Variants in TRABD2A observed in about 807,000 individuals in gnomAD.
TRABD2A encodes the protein metalloprotease TIKI1.
In TRABD2A, 43 loss-of-function variants were observed where a neutral mutation model predicts 45.6. The observed-to-expected ratio is 0.94, with a 90% confidence interval of 0.74 to 1.22. The LOEUF is 1.22. TRABD2A is among the 50% of genes most tolerant of loss of function. TRABD2A has a pLI of 0.00. For missense variants in TRABD2A, 642 were observed against 652.4 expected (o/e 0.98, Z 0.17); for synonymous variants, 269 against 265.0 (o/e 1.02, Z -0.15).
chr2:84,850,650 A>G (rs10514645), intron 2 of TRABD2A: 26,130 of 152,108 alleles, frequency 0.17, 2,381 homozygotes, highest in Non-Finnish European at 0.2. Flanking sequence ...GGCGCCATGA[A>G]CGGTGAATCT....
intron 1 of TRABD2A, chr2:84,879,501 C>G (rs755847528): frequency 3.6e-5 from 26 of 727,312 alleles, no homozygotes; most frequent in Admixed American, 2.5e-4. Flanking sequence ...TTTTTTGTAA[C>G]GTAAAGGAGT....
intron 2 of TRABD2A, among the ~76,000 whole-genome samples, chr2:84,863,231 A>C (rs891602338): frequency 1.6e-4 from 23 of 141,334 alleles, no homozygotes; most frequent in African/African-American, 5.9e-4. Flanking sequence ...GTTAGACTTC[A>C]TGTGAATCTT....
At chr2:84,857,756 C>A (rs1344402339) in intron 2 of TRABD2A, among the ~76,000 whole-genome samples, 4 of 152,186 alleles carry the variant, frequency 2.6e-5, no homozygotes, top group Non-Finnish European at 5.9e-5. Flanking sequence ...GGGATCCCAG[C>A]AAAGAGGCAA....
At chr2:84,828,306 G>A (rs973784426) in intron 5 of TRABD2A, among the ~76,000 whole-genome samples, 6 of 152,144 alleles carry the variant, frequency 3.9e-5, no homozygotes, top group Non-Finnish European at 7.4e-5. Context: ...GGAGCTGGCA[G>A]GGCCTTAAGT....
chr2:84,859,120 C>A (rs1682410398), intron 2 of TRABD2A, among the ~76,000 whole-genome samples: 1 of 152,174 alleles, frequency 6.6e-6, no homozygotes, highest in Non-Finnish European at 1.5e-5. Context: ...AGAAGTTACT[C>A]CCCAGGAAAA....
intron 2 of TRABD2A, among the ~76,000 whole-genome samples, chr2:84,865,007 T>C (rs1464763883): frequency 6.6e-6 from 1 of 152,200 alleles, no homozygotes; most frequent in Non-Finnish European, 1.5e-5. Flanking sequence ...ACAGGGCTCC[T>C]GGGGAGTGGG....
chr2:84,838,981 C>T, intron 4 of TRABD2A, 168 bp downstream of exon 4: 1 of 690,972 alleles, frequency 1.4e-6, no homozygotes, highest in East Asian at 2.7e-5. Context: ...CTGGATGCTC[C>T]ATCCCCAGCT....
intron 6 of TRABD2A, 40 bp downstream of exon 6, chr2:84,823,913 T>C: frequency 3.1e-6 from 5 of 1,609,202 alleles, no homozygotes; most frequent in Non-Finnish European, 4.2e-6. Flanking sequence ...CTCACTAGGG[T>C]AAAGGTGGAT....
At chr2:84,854,591 T>G (rs1399532966) in intron 2 of TRABD2A, among the ~76,000 whole-genome samples, 2 of 152,136 alleles carry the variant, frequency 1.3e-5, no homozygotes, top group Admixed American at 1.3e-4. Context: ...TACTCTCCAC[T>G]GAGAAACTGC....
chr2:84,858,371 T>G (rs1289612529), intron 2 of TRABD2A, among the ~76,000 whole-genome samples: 1 of 152,164 alleles, frequency 6.6e-6, no homozygotes, highest in Non-Finnish European at 1.5e-5. Context: ...TGCCTGCGCT[T>G]TTGGCCCATT....
intron 1 of TRABD2A, among the ~76,000 whole-genome samples, chr2:84,875,185 C>A (rs1439560674): frequency 1.3e-5 from 2 of 152,172 alleles, no homozygotes; most frequent in Non-Finnish European, 2.9e-5. Context: ...TACTGTGGCA[C>A]AGGGTTGCAG....
intron 2 of TRABD2A, among the ~76,000 whole-genome samples, chr2:84,842,982 G>A (rs1484854103): frequency 6.6e-6 from 1 of 151,444 alleles, no homozygotes; most frequent in Non-Finnish European, 1.5e-5. Context: ...CAGTGTCCAG[G>A]AGAATTCATT....
intron 2 of TRABD2A, 137 bp downstream of exon 2, chr2:84,870,088 A>T: frequency 1.1e-6 from 1 of 883,796 alleles, no homozygotes; most frequent in Non-Finnish European, 1.7e-6. Context: ...CTTTTTTTTT[A>T]ACCCCCGGAA....
chr2:84,831,034 G>A (rs555020049), intron 5 of TRABD2A, among the ~76,000 whole-genome samples: 1 of 152,254 alleles, frequency 6.6e-6, no homozygotes, highest in Non-Finnish European at 1.5e-5. Flanking sequence ...GGGCTGATGT[G>A]TGCCCCCCAC....
Position 84,870,546 on chromosome 2 carries a change from G to GGGGA in TRABD2A, c.344_347dup (p.Arg117ProfsTer62), listed in dbSNP as rs1207503067. On this transcript the variant is annotated frameshift_variant, in exon 2 of 7. Transcript: ENST00000409520. LOFTEE classifies it high-confidence loss of function. Reference sequence around the variant, plus strand: ...GCTTGAGGCGGCAGTAGATGTCCCTGGGGAGCACATCTTGGAGGTTCTCGC... The same window carrying GGGGA: ...GCTTGAGGCGGCAGTAGATGTCCCTGGGGAGGGAGCACATCTTGGAGGTTCTCGC... The GGGGA allele has an allele frequency of 6.2e-7, 1 of 1,613,946 alleles. No individual in the cohort carries two copies. Among genetic ancestry groups the GGGGA allele is most frequent in the Non-Finnish European group, 8.5e-7 (1 of 1,179,854 alleles).
Position 84,830,330 on chromosome 2 carries a change from G to A in TRABD2A, c.1082+1725C>T, listed in dbSNP as rs1412957157. Among the ~76,000 whole-genome samples, 8 of 152,186 alleles carry A rather than the reference G, an allele frequency of 5.3e-5. No individual in the cohort carries two copies. The highest frequency in any genetic ancestry group is 3.8e-4 in the East Asian group (2 of 5,202). ...GGGCTCCTCAGAAGGGGGAAGTAGC[G>A]TCAGTAAAGGAGAGGCGGGGACGGG... On this transcript the variant is annotated intron_variant, in intron 5 of 6. Coordinates refer to ENST00000409520, the MANE Select transcript of TRABD2A (RefSeq NM_001277053.2). The surrounding 1 kb of genome is among the most constrained non-coding windows in gnomAD (Gnocchi z 4.9).
At chr2:84,863,597 C>CTTTCT (rs1682574481) in intron 2 of TRABD2A, among the ~76,000 whole-genome samples, 2 of 78,100 alleles carry the variant, frequency 2.6e-5, no homozygotes, top group African/African-American at 9.8e-5. Flanking sequence ...TTCAAATTTT[C>CTTTCT]TTTTTTTTTT....
At chr2:84,845,522 C>A (rs899994590) in intron 2 of TRABD2A, among the ~76,000 whole-genome samples, 1 of 151,474 alleles carries the variant, frequency 6.6e-6, no homozygotes, top group African/African-American at 2.4e-5. Flanking sequence ...CCCTGTGGTC[C>A]TCAAGGACCA....
chr2:84,878,802 T>G (rs565331567), intron 1 of TRABD2A, among the ~76,000 whole-genome samples: 1 of 152,270 alleles, frequency 6.6e-6, no homozygotes, highest in East Asian at 1.9e-4. Flanking sequence ...CCCAACCCAC[T>G]GAGGAACCCA....
Sources: gnomAD v4.1 joint callset for allele counts (sites outside exome capture counted in the v4.1 genomes callset) on GRCh38, gnomAD v4.1.1 for gene constraint, Gnocchi (gnomAD v3.1) non-coding constraint, MANE v1.5 for transcripts, NCBI Gene and HGNC (gene_info 2026-07-23, HGNC 2026-07-21) for gene names.